Variants in PPP4R1 observed in about 807,000 individuals in gnomAD.
PPP4R1 encodes the protein protein phosphatase 4 regulatory subunit 1, also known as serine/threonine-protein phosphatase 4 regulatory subunit 1.
Under a neutral mutation model 111.2 loss-of-function variants are expected in PPP4R1, and 42 were observed. The ratio of observed to expected loss-of-function variants is 0.38; its 90% CI spans 0.29 to 0.49. The LOEUF (loss-of-function observed/expected upper bound fraction) is 0.49. PPP4R1 is among the 20% of genes least tolerant of loss of function. The pLI, the probability that PPP4R1 is intolerant of heterozygous loss-of-function variation, is 0.97. For missense variants in PPP4R1, 1,012 were observed against 1,161.6 expected (o/e 0.87, Z 1.87); for synonymous variants, 409 against 405.5 (o/e 1.01, Z -0.10).
chr18:9,612,165 T>G (rs1050700164), intron 2 of PPP4R1, among the ~76,000 whole-genome samples: 1 of 152,170 alleles, frequency 6.6e-6, no homozygotes, highest in African/African-American at 2.4e-5. Context: ...ATCATCGCTG[T>G]TTACCAGGAA....
At chr18:9,604,740 A>ACCTTC (rs1598962324) in intron 2 of PPP4R1, among the ~76,000 whole-genome samples, 2 of 151,738 alleles carry the variant, frequency 1.3e-5, no homozygotes, top group Non-Finnish European at 2.9e-5. Context: ...ATATTCTCCT[A>ACCTTC]CCTTCCCTTC....
chr18:9,557,269 G>A lies in PPP4R1; in HGVS notation c.2142C>T (p.Leu714=), dbSNP rs189580929. The part of the protein sequence containing the change: ...VPIFNGFLKD[L]DEVRIGVLKH... ...TAAGAACACCTATCCTGACTTCATC[G>A]AGGTCTTTTAAAAATCCATTAAAAA... The change falls in exon 15 of 20, where the codon CTC becomes CTT. Residue 714 remains leucine (L), a synonymous_variant. Coordinates refer to ENST00000400556, the MANE Select transcript of PPP4R1 (RefSeq NM_001042388.3). The A allele has an allele frequency of 5.5e-5, 89 of 1,611,466 alleles. No homozygotes were observed. The highest frequency in any genetic ancestry group is 5.0e-4 in the Middle Eastern group (3 of 6,050).
Position 9,557,257 on chromosome 18 carries a change from C to A in PPP4R1, c.2154G>T (p.Arg718Ser), listed in dbSNP as rs772739844. Residue 718 changes from arginine (R) to serine (S), a missense_variant, in exon 15 of 20, where the codon AGG becomes AGT. Coordinates refer to ENST00000400556, the MANE Select transcript of PPP4R1 (RefSeq NM_001042388.3). ...NGFLKDLDEV[R>S]IGVLKHLHDF... ...CATGCAAGTGTTTAAGAACACCTAT[C>A]CTGACTTCATCGAGGTCTTTTAAAA... 6.2e-7 allele frequency: 1 copy of A among 1,609,828 alleles called. No homozygotes were observed. The highest frequency in any genetic ancestry group is 8.5e-7 in the Non-Finnish European group (1 of 1,178,856).
intron 10 of PPP4R1, among the ~76,000 whole-genome samples, chr18:9,572,975 A>T (rs2145128424): frequency 6.6e-6 from 1 of 152,310 alleles, no homozygotes; most frequent in South Asian, 2.1e-4. Flanking sequence ...AAAATTCTGA[A>T]CCTTTTAAGG....
chr18:9,596,613 G>A (rs1056819309), intron 2 of PPP4R1, among the ~76,000 whole-genome samples: 4 of 97,902 alleles, frequency 4.1e-5, no homozygotes, highest in African/African-American at 1.3e-4. Context: ...TGCTCCTTTA[G>A]CTCTTAAGAG....
chr18:9,607,569 T>C (rs1233297515), intron 2 of PPP4R1, among the ~76,000 whole-genome samples: 4 of 151,968 alleles, frequency 2.6e-5, no homozygotes, highest in Non-Finnish European at 4.4e-5. Flanking sequence ...AGATGGCAAA[T>C]GAGCACATAA....
At chr18:9,552,504 AT>A (rs2066505014) in intron 16 of PPP4R1, among the ~76,000 whole-genome samples, 1 of 152,230 alleles carries the variant, frequency 6.6e-6, no homozygotes, top group Non-Finnish European at 1.5e-5. Context: ...TATTTTTAAA[AT>A]TTAGTAGAAA....
At chr18:9,600,551 A>T (rs1244577527) in intron 2 of PPP4R1, among the ~76,000 whole-genome samples, 1 of 152,198 alleles carries the variant, frequency 6.6e-6, no homozygotes, top group Non-Finnish European at 1.5e-5. Context: ...ATAGTTTTTT[A>T]AAAAGATATA....
At chr18:9,563,630 T>C in intron 11 of PPP4R1, 80 bp from the exon 12 acceptor site, 3 of 1,253,318 alleles carry the variant, frequency 2.4e-6, no homozygotes, top group Non-Finnish European at 3.2e-6. Flanking sequence ...ATTTGCACTG[T>C]ACGTTATCAA....
chr18:9,571,776 A>AATGAC (rs1159558771), intron 10 of PPP4R1, among the ~76,000 whole-genome samples: 1 of 152,234 alleles, frequency 6.6e-6, no homozygotes, highest in African/African-American at 2.4e-5. Flanking sequence ...AGCAATGAGG[A>AATGAC]AATGATGGAT....
upstream of PPP4R1, among the ~76,000 whole-genome samples, chr18:9,616,001 C>T (rs772095133): frequency 1.3e-5 from 2 of 152,138 alleles, no homozygotes; most frequent in African/African-American, 2.4e-5. Context: ...CCCGTAACCC[C>T]GAGTATGTGT....
intron 8 of PPP4R1, 77 bp from the exon 9 acceptor site, chr18:9,583,352 C>A: frequency 7.7e-7 from 1 of 1,297,786 alleles, no homozygotes; most frequent in Non-Finnish European, 1.0e-6. Flanking sequence ...TCATTTTCTG[C>A]TTTCACGCTT....
At chr18:9,590,846 C>T (rs1393237294) in intron 4 of PPP4R1, among the ~76,000 whole-genome samples, 2 of 152,092 alleles carry the variant, frequency 1.3e-5, no homozygotes, top group African/African-American at 4.8e-5. Context: ...TGGAAAAAAT[C>T]TCAAAGAAGA....
intron 2 of PPP4R1, among the ~76,000 whole-genome samples, chr18:9,604,453 C>A (rs527987055): frequency 6.6e-6 from 1 of 152,240 alleles, no homozygotes; most frequent in African/African-American, 2.4e-5. Context: ...TCAAGGGTGT[C>A]CAGGATCTGG....
At chr18:9,583,335 T>C in intron 8 of PPP4R1, 60 bp from the exon 9 acceptor site, 1 of 1,362,986 alleles carries the variant, frequency 7.3e-7, no homozygotes, top group East Asian at 2.6e-5. Flanking sequence ...CATCAGTTAC[T>C]TCGCTTTCAT....
intron 10 of PPP4R1, among the ~76,000 whole-genome samples, chr18:9,576,288 G>A (rs1052990476): frequency 3.3e-5 from 5 of 152,234 alleles, no homozygotes; most frequent in East Asian, 3.9e-4. Context: ...AGCAGGGACT[G>A]TTTCAAATAT....
At chr18:9,616,326 A>G (rs1285893089), upstream of PPP4R1, among the ~76,000 whole-genome samples, 1 of 151,406 alleles carries the variant, frequency 6.6e-6, no homozygotes, top group Non-Finnish European at 1.5e-5. Context: ...GCTGGAGTGC[A>G]GTGGCACAAT....
At position 9,547,298 on chromosome 18, in the gene PPP4R1, G is replaced by C. The variant is rs1272968825; in HGVS notation, c.*491C>G. ...ACGATTCACACACAGGGCTGGGCTG[G>C]ACAGCTGGCCACAGAGCCCAGCAAG... On this transcript the variant is annotated 3_prime_UTR_variant, in exon 20 of 20. Coordinates refer to ENST00000400556, the MANE Select transcript of PPP4R1 (RefSeq NM_001042388.3). 6.3e-6 allele frequency: 1 copy of C among 159,102 alleles called. No homozygotes were observed. The highest frequency in any genetic ancestry group is 2.4e-5 in the African/African-American group (1 of 41,610). The allele number at this position is 159,102 out of a possible 1,614,324, so 9.9% of individuals were successfully genotyped here.
At chr18:9,555,585 A>AT (rs1339957108) in intron 15 of PPP4R1, among the ~76,000 whole-genome samples, 1 of 152,212 alleles carries the variant, frequency 6.6e-6, no homozygotes, top group African/African-American at 2.4e-5. Flanking sequence ...ATTAGCCCTG[A>AT]TGTGGCACAT....
Sources: gnomAD v4.1 joint callset for allele counts (sites outside exome capture counted in the v4.1 genomes callset) on GRCh38, gnomAD v4.1.1 for gene constraint, MANE v1.5 for transcripts, NCBI Gene and HGNC (gene_info 2026-07-23, HGNC 2026-07-21) for gene names.